Variants in XRCC4 observed in about 807,000 individuals in gnomAD.
XRCC4 encodes the protein X-ray repair cross complementing 4.
A neutral mutation model predicts 39.1 loss-of-function variants in XRCC4; 28 were observed. That is an observed-to-expected ratio of 0.72 (90% confidence interval 0.53 to 0.98). The LOEUF (loss-of-function observed/expected upper bound fraction) is 0.98, where lower values mean the gene tolerates loss of function less well. Ranked by LOEUF, XRCC4 falls within the 50% of genes least tolerant of loss-of-function variation. The probability of loss-of-function intolerance (pLI) is 0.00; values close to 1 mark genes in which losing one functional copy is unlikely to be tolerated. For synonymous variants in XRCC4, 123 were observed against 126.4 expected (o/e 0.97, Z 0.18); for missense variants, 350 against 376.4 (o/e 0.93, Z 0.58).
At chr5:83,239,364 A>G (rs1561425031) in intron 6 of XRCC4, among the ~76,000 whole-genome samples, 1 of 152,342 alleles carries the variant, frequency 6.6e-6, no homozygotes, top group Admixed American at 6.5e-5. Context: ...TAACTGCTTC[A>G]TAGAAAGTGC....
intron 6 of XRCC4, among the ~76,000 whole-genome samples, chr5:83,231,384 G>T (rs561377957): frequency 6.6e-6 from 1 of 151,924 alleles, no homozygotes; most frequent in Non-Finnish European, 1.5e-5. Context: ...TTTATTTAGC[G>T]TTAATTCTGC....
chr5:83,330,587 A>G (rs1461852440), intron 7 of XRCC4, among the ~76,000 whole-genome samples: 1 of 151,996 alleles, frequency 6.6e-6, no homozygotes, highest in Non-Finnish European at 1.5e-5. Context: ...AGAGAGGGTT[A>G]TACTTATGTG....
chr5:83,112,810 A>G (rs1380858144), intron 3 of XRCC4, among the ~76,000 whole-genome samples: 1 of 152,202 alleles, frequency 6.6e-6, no homozygotes, highest in Admixed American at 6.5e-5. Flanking sequence ...AGAACAACAC[A>G]GGAAAGACCC....
At chr5:83,295,280 T>G (rs1317347696) in intron 7 of XRCC4, among the ~76,000 whole-genome samples, 1 of 151,540 alleles carries the variant, frequency 6.6e-6, no homozygotes, top group Non-Finnish European at 1.5e-5. Flanking sequence ...TCCTCCTAAG[T>G]GTTTCTAAGT....
At chr5:83,082,102 T>C (rs1041392120) in intron 1 of XRCC4, among the ~76,000 whole-genome samples, 4 of 152,222 alleles carry the variant, frequency 2.6e-5, no homozygotes, top group African/African-American at 9.6e-5. Flanking sequence ...ACTGATCATC[T>C]CTTGCTCAGA....
At chr5:83,105,742 G>A (rs1746167976) in intron 2 of XRCC4, among the ~76,000 whole-genome samples, 1 of 151,990 alleles carries the variant, frequency 6.6e-6, no homozygotes, top group Admixed American at 6.6e-5. Context: ...AAGATTTAAA[G>A]AACTATTTTT....
chr5:83,300,770 G>A (rs1048101987), intron 7 of XRCC4, among the ~76,000 whole-genome samples: 11 of 150,152 alleles, frequency 7.3e-5, no homozygotes, highest in African/African-American at 1.5e-4. Context: ...GTGATGTTCC[G>A]CTCCTTGTGC....
chr5:83,214,138 A>G (rs1751756505), intron 6 of XRCC4, among the ~76,000 whole-genome samples: 1 of 152,174 alleles, frequency 6.6e-6, no homozygotes, highest in Non-Finnish European at 1.5e-5. Flanking sequence ...ACCCCTCAAT[A>G]TAGGAAAAAA....
chr5:83,174,410 A>G (rs908797271), intron 3 of XRCC4, among the ~76,000 whole-genome samples: 15 of 152,290 alleles, frequency 9.8e-5, no homozygotes, highest in South Asian at 2.1e-4. Flanking sequence ...ATAACTATGT[A>G]TCTTAATATA....
At chr5:83,230,979 A>G (rs1752475100) in intron 6 of XRCC4, among the ~76,000 whole-genome samples, 1 of 151,860 alleles carries the variant, frequency 6.6e-6, no homozygotes, top group South Asian at 2.1e-4. Context: ...AACTCACGTA[A>G]ATGATTACAG....
intron 1 of XRCC4, among the ~76,000 whole-genome samples, chr5:83,098,916 C>A (rs1011520279): frequency 6.6e-6 from 1 of 152,048 alleles, no homozygotes; most frequent in African/African-American, 2.4e-5. Context: ...AGTGAATAGC[C>A]TAGTGTAGTT....
chr5:83,338,632 T>A (rs1366713402), intron 7 of XRCC4, among the ~76,000 whole-genome samples: 1 of 152,154 alleles, frequency 6.6e-6, no homozygotes, highest in Admixed American at 6.5e-5. Flanking sequence ...AGCAGGACAT[T>A]TAAAGAAATG....
chr5:83,097,735 ATCTCT>A (rs1333247680), intron 1 of XRCC4, among the ~76,000 whole-genome samples: 2 of 152,174 alleles, frequency 1.3e-5, no homozygotes, highest in Non-Finnish European at 1.5e-5. Flanking sequence ...GTACTATCTT[ATCTCT>A]TCTCTTCAGT....
intron 3 of XRCC4, among the ~76,000 whole-genome samples, chr5:83,112,293 C>T (rs1202060089): frequency 1.3e-5 from 2 of 152,156 alleles, no homozygotes; most frequent in Non-Finnish European, 2.9e-5. Context: ...GTGGCCCAAG[C>T]TCAATCGGAT....
chr5:83,139,009 A>C (rs1279213122), intron 3 of XRCC4, among the ~76,000 whole-genome samples: 1 of 152,184 alleles, frequency 6.6e-6, no homozygotes, highest in Non-Finnish European at 1.5e-5. Flanking sequence ...ATTCCATTAT[A>C]TAATTATAGT....
chr5:83,239,487 G>T (rs958376444), intron 6 of XRCC4, among the ~76,000 whole-genome samples: 2 of 152,190 alleles, frequency 1.3e-5, no homozygotes, highest in African/African-American at 2.4e-5. Flanking sequence ...GGTCAAGAGG[G>T]CAGCACAGGA....
chr5:83,247,991 G>T (rs1753170867), intron 6 of XRCC4, among the ~76,000 whole-genome samples: 1 of 152,134 alleles, frequency 6.6e-6, no homozygotes, highest in Non-Finnish European at 1.5e-5. Context: ...GTGCTAAGCT[G>T]TGTGGGCACA....
chr5:83,307,380 G>T (rs1166933923), intron 7 of XRCC4, among the ~76,000 whole-genome samples: 1 of 152,190 alleles, frequency 6.6e-6, no homozygotes, highest in Non-Finnish European at 1.5e-5. Context: ...GGGGCTGCCA[G>T]CTTTCCCTAA....
intron 6 of XRCC4, among the ~76,000 whole-genome samples, chr5:83,252,428 T>G (rs1035696895): frequency 6.6e-6 from 1 of 152,086 alleles, no homozygotes; most frequent in African/African-American, 2.4e-5. Context: ...ACAATTGGAA[T>G]ATTTTGAATA....
Sources: allele counts gnomAD v4.1 joint callset (sites outside exome capture counted in the v4.1 genomes callset), GRCh38; gene constraint gnomAD v4.1.1; transcripts MANE v1.5; gene names NCBI Gene and HGNC (gene_info 2026-07-23, HGNC 2026-07-21).